Variants in SASH1 observed in about 807,000 individuals in gnomAD.
SASH1 encodes the protein SAM and SH3 domain containing 1.
SASH1 carries 44 observed loss-of-function variants against 125.2 expected under a neutral mutation model. The observed-to-expected ratio is 0.35, with a 90% CI of 0.28 to 0.45. SASH1 has a LOEUF of 0.45. Among genes scored for constraint, SASH1 ranks in the 20% least tolerant of loss-of-function variants. SASH1 has a pLI of 1.00. For missense variants in SASH1, 1,426 were observed against 1,614.5 expected (o/e 0.88, Z 2.00); for synonymous variants, 639 against 649.1 (o/e 0.98, Z 0.24).
At chr6:148,211,008 C>G in the SASH1 span, among the ~76,000 whole-genome samples, 8 of 152,202 alleles carry the variant, frequency 5.3e-5, no homozygotes, top group East Asian at 1.5e-3. Context: ...TTATCCATAT[C>G]CAAGGGAAAT....
Position 148,542,511 on chromosome 6 carries a change from C to T in SASH1, c.2210-1169C>T, listed in dbSNP as rs950069113. Among the ~76,000 whole-genome samples, 6 of 152,158 alleles carry T rather than the reference C, an allele frequency of 3.9e-5. No homozygotes were observed. The South Asian group carries it at 6.2e-4, about 16-fold the overall frequency. The stretch of plus-strand genomic sequence containing the variant: ...ATGCCATTCTCCCGCCTCAGCCTCC[C>T]GAGTAGCTGGGACTACAGGCGCCTG... On this transcript the variant is annotated intron_variant, in intron 17 of 19. Transcript: ENST00000367467.
At chr6:148,326,239 G>A (rs1021955922) in intron 1 of SASH1, among the ~76,000 whole-genome samples, 5 of 141,414 alleles carry the variant, frequency 3.5e-5, no homozygotes, top group Non-Finnish European at 4.5e-5. Flanking sequence ...TGCCGACAAG[G>A]CTGGTCTCGA....
the SASH1 span, among the ~76,000 whole-genome samples, chr6:148,211,034 A>G: frequency 6.6e-6 from 1 of 152,212 alleles, no homozygotes; most frequent in Non-Finnish European, 1.5e-5. Context: ...TATTTGGATT[A>G]TGAAACTATG....
rs529474718 is a variant in SASH1, at chr6:148,384,695, C to T, written c.157-5439C>T. Among the ~76,000 whole-genome samples, 7 of 152,256 alleles carry T rather than the reference C, an allele frequency of 4.6e-5. No homozygotes were observed. The South Asian group carries it at 1.5e-3, about 32-fold the overall frequency. Reference sequence around the variant, plus strand: ...AGGAATAAGCTGAATAAAAATAATGCAAACACTGTCAGTCCTGAAAGAGCA... The same window carrying T: ...AGGAATAAGCTGAATAAAAATAATGTAAACACTGTCAGTCCTGAAAGAGCA... On this transcript the variant is annotated intron_variant, in intron 1 of 19. Coordinates refer to ENST00000367467, the MANE Select transcript of SASH1 (RefSeq NM_015278.5).
chr6:148,246,546 G>A, the SASH1 span, among the ~76,000 whole-genome samples: 15 of 152,120 alleles, frequency 9.9e-5, no homozygotes, highest in Admixed American at 5.9e-4. Context: ...CTAGCTTTTG[G>A]TGCCAAGTAC....
chr6:148,298,305 G>A (rs1779816649), intron 1 of SASH1, among the ~76,000 whole-genome samples: 1 of 152,064 alleles, frequency 6.6e-6, no homozygotes, highest in South Asian at 2.1e-4. Flanking sequence ...GAGCCGCCGT[G>A]CCCGGCCTTA....
intron 2 of SASH1, among the ~76,000 whole-genome samples, chr6:148,425,764 CT>C (rs1425713187): frequency 2.1e-5 from 3 of 142,678 alleles, no homozygotes; most frequent in Non-Finnish European, 3.0e-5. Context: ...CCCTGTCCCC[CT>C]GTGTCCCCCA....
chr6:148,317,458 C>T (rs1307714704), intron 1 of SASH1, among the ~76,000 whole-genome samples: 2 of 152,232 alleles, frequency 1.3e-5, no homozygotes, highest in Non-Finnish European at 2.9e-5. Context: ...GAGTTTCACT[C>T]TTGTTGCCAA....
the SASH1 span, among the ~76,000 whole-genome samples, chr6:148,195,958 T>G: frequency 6.6e-6 from 1 of 152,206 alleles, no homozygotes; most frequent in Non-Finnish European, 1.5e-5. Flanking sequence ...CTGAACTGTG[T>G]AGATTGTGAG....
the SASH1 span, among the ~76,000 whole-genome samples, chr6:148,260,796 C>CTTTTTTT: frequency 2.2e-3 from 226 of 104,024 alleles, 10 homozygotes; most frequent in African/African-American, 2.5e-3. Context: ...CCTATAAGGG[C>CTTTTTTT]TTTTTTTTTT....
intron 9 of SASH1, among the ~76,000 whole-genome samples, chr6:148,517,015 G>A (rs904568285): frequency 4.6e-5 from 7 of 152,268 alleles, no homozygotes; most frequent in Non-Finnish European, 8.8e-5. Context: ...CCATTTCTGT[G>A]TCTTTGCCAC....
rs146946930 is a variant in SASH1 at position 148,329,458 on chromosome 6, G to C, written n.74+57081G>C. ...AGGCACTATTTAAAGAAATAACCAT[G>C]ACCCCAATGTCCTGTCACTTGAAGC... is the stretch of plus-strand genomic sequence containing the variant. On this transcript the variant is annotated intron_variant and non_coding_transcript_variant, in intron 1 of 3. Coordinates refer to the SASH1 transcript ENST00000367469. Among the ~76,000 whole-genome samples the C allele has an allele frequency of 6.8e-3, 1,040 of 152,294 alleles. 5 individuals carry two copies. Among genetic ancestry groups the C allele is most frequent in the South Asian group, 0.01 (49 of 4,828 alleles).
At chr6:148,333,627 T>C (rs1321510152) in intron 1 of SASH1, among the ~76,000 whole-genome samples, 1 of 152,166 alleles carries the variant, frequency 6.6e-6, no homozygotes, top group Non-Finnish European at 1.5e-5. Flanking sequence ...AATGGCGCGA[T>C]CTCGGCTCAC....
At chr6:148,515,086 T>A (rs554774781) in intron 9 of SASH1, among the ~76,000 whole-genome samples, 1 of 152,332 alleles carries the variant, frequency 6.6e-6, no homozygotes, top group East Asian at 1.9e-4. Flanking sequence ...GCCTTTGACA[T>A]ATAATTATGA....
Position 148,345,617 on chromosome 6 carries a change from A to C in SASH1, c.156+2394A>C, listed in dbSNP as rs547218789. Among the ~76,000 whole-genome samples the C allele has an allele frequency of 6.6e-5, 10 of 152,350 alleles. No homozygotes were observed. The South Asian group carries it at 1.9e-3, about 28-fold the overall frequency. On this transcript the variant is annotated intron_variant, in intron 1 of 19. Transcript: ENST00000367467. Reference sequence around the variant, plus strand: ...AAAAGGGAGGGAAAGCTGTCATCCAAGTGTTTATACAAACTGAGTCTTCGG... The same window carrying C: ...AAAAGGGAGGGAAAGCTGTCATCCACGTGTTTATACAAACTGAGTCTTCGG...
Position 148,282,886 on chromosome 6 carries a change from G to A in SASH1, n.74+10509G>A, listed in dbSNP as rs6570835. Among the ~76,000 whole-genome samples the A allele has an allele frequency of 2.0e-4, 31 of 151,910 alleles. No individual in the cohort carries two copies. In the East Asian group the frequency reaches 4.3e-3, roughly 21 times the overall value. On this transcript the variant is annotated intron_variant and non_coding_transcript_variant, in intron 1 of 3. Coordinates refer to the SASH1 transcript ENST00000367469. ...TCCCCCTCCCCAAACTCATTTCTCC[G>A]TGTCATCAGAACTGAGCTGCAGCCA...
chr6:148,533,734 G>A lies in SASH1; in HGVS notation c.1735-37G>A, dbSNP rs41288415. On this transcript the variant is annotated intron_variant, in intron 14 of 19. Coordinates refer to ENST00000367467, the MANE Select transcript of SASH1 (RefSeq NM_015278.5). The surrounding 1 kb of genome is among the most constrained non-coding windows in gnomAD (Gnocchi z 6.2). ...TTCTTGATTTGTACGTTCATGGAATGTACCTAATGGAAAGATCTTTGCTCC... is the reference window on the plus strand; with the variant it reads ...TTCTTGATTTGTACGTTCATGGAATATACCTAATGGAAAGATCTTTGCTCC... 1.3e-6 allele frequency: 2 copies of A among 1,556,638 alleles called. No individual in the cohort carries two copies. The highest frequency in any genetic ancestry group is 1.8e-6 in the Non-Finnish European group (2 of 1,132,338).
chr6:148,259,912 A>T, the SASH1 span, among the ~76,000 whole-genome samples: 1 of 152,046 alleles, frequency 6.6e-6, no homozygotes, highest in Non-Finnish European at 1.5e-5. Context: ...AAGAGACAGG[A>T]TCTCATTCTG....
chr6:148,362,147 TC>T (rs1782252692), intron 1 of SASH1, among the ~76,000 whole-genome samples: 2 of 151,988 alleles, frequency 1.3e-5, no homozygotes, highest in East Asian at 1.9e-4. Flanking sequence ...CAGGATGGTC[TC>T]GATATCCTGA....
Sources: gnomAD v4.1 joint callset for allele counts (sites outside exome capture counted in the v4.1 genomes callset) on GRCh38, gnomAD v4.1.1 for gene constraint, Gnocchi (gnomAD v3.1) non-coding constraint, MANE v1.5 for transcripts, NCBI Gene and HGNC (gene_info 2026-07-23, HGNC 2026-07-21) for gene names.